The following PSMD11 variants were observed in gnomAD, a reference collection of about 807,000 sequenced individuals.
PSMD11 encodes the protein 26S proteasome non-ATPase regulatory subunit 11.
In PSMD11, 5 loss-of-function variants were observed where a neutral mutation model predicts 62.3. The ratio of observed to expected loss-of-function variants is 0.08; its 90% CI spans 0.04 to 0.17. The LOEUF (loss-of-function observed/expected upper bound fraction) is 0.17. PSMD11 is among the 10% of genes least tolerant of loss of function. PSMD11 has a pLI of 1.00. For synonymous variants in PSMD11, 191 were observed against 191.8 expected (o/e 1.00, Z 0.03); for missense variants, 310 against 512.9 (o/e 0.60, Z 3.82).
chr17:32,474,287 C>T (rs1291856144), intron 7 of PSMD11, among the ~76,000 whole-genome samples: 1 of 151,986 alleles, frequency 6.6e-6, no homozygotes, highest in Non-Finnish European at 1.5e-5. Flanking sequence ...ACTGAGCCAC[C>T]CAGAATGAGG....
At chr17:32,479,723 C>T in intron 10 of PSMD11, 128 bp from the exon 11 acceptor site, 1 of 1,097,930 alleles carries the variant, frequency 9.1e-7, no homozygotes, top group Non-Finnish European at 1.3e-6. Flanking sequence ...GAGACTTAAG[C>T]ACGGCCAAGG....
chr17:32,447,243 A>T (rs1907357960), intron 2 of PSMD11, 197 bp downstream of exon 2: 1 of 501,620 alleles, frequency 2.0e-6, no homozygotes, highest in Non-Finnish European at 3.5e-6. Flanking sequence ...TTTGCAAATG[A>T]GAGACAATCT....
At chr17:32,468,707 CA>C (rs764642003) in intron 5 of PSMD11, among the ~76,000 whole-genome samples, 7 of 152,258 alleles carry the variant, frequency 4.6e-5, no homozygotes, top group Admixed American at 1.3e-4. Context: ...CTAGATTTAG[CA>C]TTTTATAGGT....
At chr17:32,471,972 C>T (rs572975771) in intron 6 of PSMD11, among the ~76,000 whole-genome samples, 2 of 152,054 alleles carry the variant, frequency 1.3e-5, no homozygotes, top group African/African-American at 2.4e-5. Context: ...CCCAGGCTCA[C>T]GTGATCCTCC....
intron 2 of PSMD11, among the ~76,000 whole-genome samples, chr17:32,454,271 C>A (rs1162053162): frequency 6.6e-6 from 1 of 152,104 alleles, no homozygotes; most frequent in Non-Finnish European, 1.5e-5. Flanking sequence ...TCATAGTAAT[C>A]CAGTGGCTGA....
chr17:32,452,634 TGG>T (rs890092328), intron 2 of PSMD11, among the ~76,000 whole-genome samples: 62 of 152,280 alleles, frequency 4.1e-4, no homozygotes, highest in Admixed American at 1.4e-3. Context: ...CAGAGGAAGT[TGG>T]GGGAATTACC....
Position 32,482,041 on chromosome 17 carries a change from T to C in PSMD11, c.*1289T>C, listed in dbSNP as rs1016024431. 6.6e-6 allele frequency: 1 copy of C among 152,154 alleles called. No individual in the cohort carries two copies. Among genetic ancestry groups the C allele is most frequent in the Non-Finnish European group, 1.5e-5 (1 of 68,028 alleles). 9.4% of individuals were successfully genotyped at this position (152,154 alleles called of 1,614,324 possible). A position where few individuals can be genotyped will look rare whatever the true frequency, so the allele number is the denominator to read the frequency against. ...ATTTTCTTCTCTCATCTCCTCTTTG[T>C]CTTTTTCTCTTTTCCTCTCCTTCCT... On this transcript the variant is annotated 3_prime_UTR_variant, in exon 14 of 14. Coordinates refer to ENST00000261712, the MANE Select transcript of PSMD11 (RefSeq NM_002815.4).
At chr17:32,469,313 GAGAACCAGTTAGA>G in intron 6 of PSMD11, 120 bp downstream of exon 6, 1 of 1,063,466 alleles carries the variant, frequency 9.4e-7, no homozygotes, top group African/African-American at 1.6e-5. Flanking sequence ...AGCTTCTTCA[GAGAACCAGTTAGA>G]AAGCTACCTT....
intron 3 of PSMD11, 62 bp from the exon 4 acceptor site, chr17:32,463,972 AAGCTGTTCTCCAAAG>A: frequency 4.5e-6 from 6 of 1,319,644 alleles, no homozygotes; most frequent in Non-Finnish European, 6.6e-6. Context: ...GAGGGAATTT[AAGCTGTTCTCCAAAG>A]CATGGTTTGT....
chr17:32,467,465 C>T lies in PSMD11; in HGVS notation c.449-1534C>T, dbSNP rs141570873. Among the ~76,000 whole-genome samples the T allele has an allele frequency of 1.3e-3, 204 of 151,742 alleles. 1 individual carries two copies. In the East Asian group the frequency reaches 0.034, roughly 25 times the overall value. On this transcript the variant is annotated intron_variant, in intron 5 of 13. Transcript: ENST00000261712. ...TTCACCATGTTAGCCAGGCTGGTGTCGAACTCCTAACCTCAGGTGATGTGC... is the reference window on the plus strand; with the variant it reads ...TTCACCATGTTAGCCAGGCTGGTGTTGAACTCCTAACCTCAGGTGATGTGC...
In PSMD11 at chr17:32,460,392, A is replaced by T. The variant is rs115281089; in HGVS notation, c.319-3657A>T. Among the ~76,000 whole-genome samples the T allele has an allele frequency of 3.2e-3, 484 of 152,252 alleles. 4 individuals carry two copies. The highest frequency in any genetic ancestry group is 0.011 in the African/African-American group (471 of 41,546). ...AGACGTTTTAGAATACTGTTAAGAC[A>T]GCTAGAATTTTGTGTTAAGGAGTTT... On this transcript the variant is annotated intron_variant, in intron 3 of 13. Coordinates refer to ENST00000261712, the MANE Select transcript of PSMD11 (RefSeq NM_002815.4).
At position 32,475,124 on chromosome 17, in the gene PSMD11, C is replaced by T. The variant is rs547396996; in HGVS notation, c.849+300C>T. On this transcript the variant is annotated intron_variant, in intron 8 of 13. Transcript: ENST00000261712. Reference sequence around the variant, plus strand: ...CTTTGACCAGAAGATTTATCTACCACGAGTCTGAGTTGTGAATTTAACATA... The same window carrying T: ...CTTTGACCAGAAGATTTATCTACCATGAGTCTGAGTTGTGAATTTAACATA... Among the ~76,000 whole-genome samples, 13 of 152,226 alleles carry T rather than the reference C, an allele frequency of 8.5e-5. No individual in the cohort carries two copies. In the South Asian group the frequency reaches 1.7e-3, roughly 19 times the overall value.
intron 2 of PSMD11, among the ~76,000 whole-genome samples, chr17:32,448,157 G>T (rs1039585543): frequency 2.0e-5 from 3 of 151,784 alleles, no homozygotes; most frequent in Non-Finnish European, 4.4e-5. Flanking sequence ...GGGATTCCAG[G>T]TGTGAGCCAT....
At chr17:32,455,628 G>A (rs1216584438) in intron 3 of PSMD11, among the ~76,000 whole-genome samples, 1 of 152,136 alleles carries the variant, frequency 6.6e-6, no homozygotes, top group African/African-American at 2.4e-5. Context: ...TGGCTTTAAT[G>A]ATTCTTTGAA....
At chr17:32,471,504 C>T (rs1481341360) in intron 6 of PSMD11, among the ~76,000 whole-genome samples, 1 of 152,132 alleles carries the variant, frequency 6.6e-6, no homozygotes. Flanking sequence ...TCTCCCATGC[C>T]CCATGACAGT....
At position 32,464,142 on chromosome 17, in the gene PSMD11, A is replaced by G. The variant is rs760769377; in HGVS notation, c.390+22A>G. On this transcript the variant is annotated intron_variant, in intron 4 of 13. Transcript: ENST00000261712. ...GGAGGTAGGTTTTACATTAGTACTC[A>G]TTTCAGGTCTCTAAGCATGAGACAG... 1.9e-6 allele frequency: 3 copies of G among 1,591,440 alleles called. No individual in the cohort carries two copies. The South Asian group carries it at 3.3e-5, about 18-fold the overall frequency.
intron 8 of PSMD11, 80 bp downstream of exon 8, chr17:32,474,904 A>T: frequency 8.0e-7 from 1 of 1,252,042 alleles, no homozygotes. Context: ...TGAGACCAGC[A>T]CTCTTCAGAT....
intron 8 of PSMD11, chr17:32,477,260 C>A: frequency 2.7e-6 from 1 of 366,070 alleles, no homozygotes; most frequent in Non-Finnish European, 4.9e-6. Context: ...CTAGAGAATG[C>A]TATATTAGGG....
chr17:32,450,239 G>A (rs1231189707), intron 2 of PSMD11, among the ~76,000 whole-genome samples: 1 of 151,108 alleles, frequency 6.6e-6, no homozygotes, highest in Admixed American at 6.6e-5. Context: ...GTGATTATAG[G>A]CATGAGCCAC....
Sources: allele counts gnomAD v4.1 joint callset (sites outside exome capture counted in the v4.1 genomes callset), GRCh38; gene constraint gnomAD v4.1.1; transcripts MANE v1.5; gene names NCBI Gene and HGNC (gene_info 2026-07-23, HGNC 2026-07-21).